RP1: variants seen among roughly 807,000 people sequenced by gnomAD.
RP1 encodes the protein RP1 axonemal microtubule associated, also known as oxygen-regulated protein 1.
RP1 carries 16 observed loss-of-function variants against 14.8 expected under a neutral mutation model. The observed-to-expected ratio is 1.08, with a 90% CI of 0.73 to 1.65. The LOEUF (loss-of-function observed/expected upper bound fraction) is 1.65, where lower values mean the gene tolerates loss of function less well. RP1 is among the 40% of genes most tolerant of loss of function. The probability of loss-of-function intolerance (pLI) is 0.00; values close to 1 mark genes in which losing one functional copy is unlikely to be tolerated. For missense variants in RP1, 2,631 were observed against 2,535.0 expected, an observed-to-expected ratio of 1.04 and a Z score of -0.81; for synonymous variants, 876 against 883.6, an observed-to-expected ratio of 0.99 and a Z score of 0.15.
chr8:54,772,429 G>A (rs1809931449), downstream of RP1, among the ~76,000 whole-genome samples: 5 of 152,168 alleles, frequency 3.3e-5, no homozygotes, highest in South Asian at 1.0e-3. Flanking sequence ...GATCTATGAA[G>A]ACCATATCAT....
chr8:54,759,353 A>G (rs1184573182), intron 22 of RP1, among the ~76,000 whole-genome samples: 1 of 152,232 alleles, frequency 6.6e-6, no homozygotes, highest in African/African-American at 2.4e-5. Flanking sequence ...AAATTATTAC[A>G]TAAATAGTGA....
intron 24 of RP1, among the ~76,000 whole-genome samples, chr8:54,833,899 C>T (rs1811596519): frequency 6.6e-6 from 1 of 151,724 alleles, no homozygotes; most frequent in African/African-American, 2.4e-5. Flanking sequence ...TTTTTATGCC[C>T]ACCAAAATTT....
intron 5 of RP1, among the ~76,000 whole-genome samples, chr8:54,655,736 A>T (rs970101170): frequency 6.6e-6 from 1 of 152,224 alleles, no homozygotes; most frequent in African/African-American, 2.4e-5. Context: ...TAGAAAATTT[A>T]TCTGGGTGCA....
At chr8:54,860,553 C>A (rs114310333) in intron 27 of RP1, among the ~76,000 whole-genome samples, 2,949 of 152,238 alleles carry the variant, frequency 0.019, 81 homozygotes, top group African/African-American at 0.064. Flanking sequence ...AGAGATTCTG[C>A]CTGTGTGGGT....
intron 19 of RP1, among the ~76,000 whole-genome samples, chr8:54,745,051 A>T (rs1809190477): frequency 6.6e-6 from 1 of 152,206 alleles, no homozygotes; most frequent in African/African-American, 2.4e-5. Context: ...TTTATCAAGT[A>T]TTACTAGAAG....
chr8:54,703,160 C>G (rs1441266951), intron 14 of RP1, among the ~76,000 whole-genome samples: 1 of 152,164 alleles, frequency 6.6e-6, no homozygotes, highest in Non-Finnish European at 1.5e-5. Context: ...AATGGTGAAT[C>G]TTTTCCAAAA....
At chr8:54,782,931 T>G (rs1397806237) in intron 23 of RP1, among the ~76,000 whole-genome samples, 1 of 152,218 alleles carries the variant, frequency 6.6e-6, no homozygotes, top group East Asian at 1.9e-4. Flanking sequence ...ACGTGTCTTT[T>G]CTTCATCCTC....
chr8:54,579,925 G>C (rs997560537), intron 1 of RP1, among the ~76,000 whole-genome samples: 5 of 152,200 alleles, frequency 3.3e-5, no homozygotes, highest in Non-Finnish European at 7.3e-5. Context: ...TGGGAGTGCA[G>C]TGCTCTGCTC....
exon 14 of RP1, chr8:54,701,594 G>A: frequency 1.3e-6 from 2 of 1,535,652 alleles, no homozygotes; most frequent in Non-Finnish European, 1.7e-6. Flanking sequence ...TGATCGTCAT[G>A]GCAAAATAGC....
intron 4 of RP1, among the ~76,000 whole-genome samples, chr8:54,650,665 C>T (rs1806637325): frequency 6.8e-6 from 1 of 146,530 alleles, no homozygotes; most frequent in Non-Finnish European, 1.5e-5. Flanking sequence ...CTTCCCCTCC[C>T]CCGTCTACCT....
chr8:54,706,892 T>C (rs1183853171), intron 15 of RP1, among the ~76,000 whole-genome samples: 1 of 152,106 alleles, frequency 6.6e-6, no homozygotes, highest in East Asian at 1.9e-4. Flanking sequence ...CACCTGGGAA[T>C]TGTGTTAGGA....
At chr8:54,678,126 C>A (rs1386488048) in intron 8 of RP1, among the ~76,000 whole-genome samples, 149 of 152,028 alleles carry the variant, frequency 9.8e-4, no homozygotes, top group Non-Finnish European at 2.6e-4. Flanking sequence ...AGTATATATT[C>A]TTTGGAAGAT....
At chr8:54,699,745 A>T (rs769045214) in intron 13 of RP1, among the ~76,000 whole-genome samples, 1 of 152,168 alleles carries the variant, frequency 6.6e-6, no homozygotes, top group African/African-American at 2.4e-5. Context: ...TCCAAATTTC[A>T]GCAATTGGAA....
chr8:54,756,495 A>G (rs1267194503), intron 21 of RP1, among the ~76,000 whole-genome samples: 1 of 152,206 alleles, frequency 6.6e-6, no homozygotes. Flanking sequence ...GCTCACCTAT[A>G]CATTTGTCAC....
intron 3 of RP1, among the ~76,000 whole-genome samples, chr8:54,641,357 G>T (rs946249743): frequency 4.6e-5 from 7 of 152,048 alleles, no homozygotes; most frequent in African/African-American, 1.7e-4. Context: ...AATCACTCAG[G>T]CATGTAGACA....
At chr8:54,720,298 T>C (rs1808505121) in exon 16 of RP1, 2 of 1,534,668 alleles carry the variant, frequency 1.3e-6, no homozygotes, top group Non-Finnish European at 1.7e-6. Context: ...TATCCACAAG[T>C]CATCCAATGT....
Position 54,628,515 on chromosome 8 carries a change from A to G in RP1, c.4633A>G (p.Lys1545Glu), listed in dbSNP as rs767994258. Residue 1545 changes from lysine to glutamate, a missense_variant, in exon 4 of 4, where the codon AAG (lysine) becomes GAG (glutamate). Lys to Glu is a moderately conservative substitution (Grantham distance 56). Coordinates refer to ENST00000220676, the MANE Select transcript of RP1 (RefSeq NM_006269.2). The part of the protein sequence containing the change: ...PPSLDFCYDS[K>E]QNSEKETNEG... ...ATCTTTAGATTTTTGCTATGATTCT[A>G]AGCAAAATAGTGAAAAGGAGACCAA... is the stretch of plus-strand genomic sequence containing the variant. The G allele has an allele frequency of 4.2e-5, 67 of 1,613,906 alleles. No homozygotes were observed. The highest frequency in any genetic ancestry group is 5.3e-5 in the Non-Finnish European group (62 of 1,179,928).
intron 1 of RP1, among the ~76,000 whole-genome samples, chr8:54,575,652 CA>C (rs549599333): frequency 1.8e-4 from 28 of 152,208 alleles, no homozygotes; most frequent in African/African-American, 6.5e-4. Context: ...ATTTTAGTTT[CA>C]GGGGTATTTA....
At chr8:54,636,816 A>G (rs1739998279) in intron 3 of RP1, among the ~76,000 whole-genome samples, 1 of 152,214 alleles carries the variant, frequency 6.6e-6, no homozygotes, top group Admixed American at 6.5e-5. Flanking sequence ...GAGAATCCAA[A>G]AGAATAATTT....
Sources: gnomAD v4.1 joint callset for allele counts (sites outside exome capture counted in the v4.1 genomes callset) on GRCh38, gnomAD v4.1.1 for gene constraint, MANE v1.5 for transcripts, NCBI Gene and HGNC (gene_info 2026-07-23, HGNC 2026-07-21) for gene names.